Variants in PTPRK observed in about 807,000 individuals in gnomAD.
The protein encoded by PTPRK is receptor-type tyrosine-protein phosphatase kappa.
Under a neutral mutation model 178.0 loss-of-function variants are expected in PTPRK, and 75 were observed. That is an observed-to-expected ratio of 0.42 (90% CI 0.35 to 0.51). PTPRK has a LOEUF of 0.51. Ranked by LOEUF, PTPRK falls within the 20% of genes least tolerant of loss-of-function variation. The pLI is 0.02. For synonymous variants in PTPRK, 637 were observed against 620.6 expected (o/e 1.03, Z -0.39); for missense variants, 1,441 against 1,797.8 (o/e 0.80, Z 3.59).
At chr6:128,049,557 A>G (rs577831215) in intron 13 of PTPRK, among the ~76,000 whole-genome samples, 53 of 152,136 alleles carry the variant, frequency 3.5e-4, no homozygotes, top group African/African-American at 1.2e-3. Context: ...TAAAAATTCA[A>G]TTGAAATGCC....
intron 13 of PTPRK, among the ~76,000 whole-genome samples, chr6:128,039,902 G>C (rs192111152): frequency 9.9e-5 from 15 of 152,232 alleles, no homozygotes; most frequent in African/African-American, 3.6e-4. Flanking sequence ...AATATTTAGC[G>C]CCTGGTGGAA....
At chr6:127,994,286 G>A (rs3928896) in intron 18 of PTPRK, among the ~76,000 whole-genome samples, 92,530 of 151,442 alleles carry the variant, frequency 0.61, 28,764 homozygotes, top group African/African-American at 0.73. Context: ...TAGGTCTATA[G>A]AAGTATACAT....
intron 12 of PTPRK, among the ~76,000 whole-genome samples, chr6:128,067,274 C>G (rs1459308917): frequency 5.3e-5 from 8 of 152,262 alleles, no homozygotes; most frequent in Non-Finnish European, 2.9e-5. Flanking sequence ...CTATTGTGGG[C>G]TTTCCTGAGG....
At chr6:128,469,112 CA>C (rs1219565185) in intron 1 of PTPRK, among the ~76,000 whole-genome samples, 1 of 152,018 alleles carries the variant, frequency 6.6e-6, no homozygotes, top group Non-Finnish European at 1.5e-5. Flanking sequence ...GCAAGATGAG[CA>C]AAAACAAACC....
rs182154906 is a variant in PTPRK, at chr6:128,104,933, C to G, written c.1163-14941G>C. 2.4e-4 allele frequency among the ~76,000 whole-genome samples: 37 copies of G among 152,246 alleles called. No homozygotes were observed. The East Asian group carries it at 7.1e-3, about 29-fold the overall frequency. On this transcript the variant is annotated intron_variant, in intron 7 of 29. Coordinates refer to ENST00000368226, the MANE Select transcript of PTPRK (RefSeq NM_002844.4). ...TGTTCCAAAGGTGAAAAGTCTTGGA[C>G]AGAAGAAAGTGTAAACATAAAGATG... is the stretch of plus-strand genomic sequence containing the variant.
chr6:128,195,454 T>A (rs773739504), intron 6 of PTPRK, among the ~76,000 whole-genome samples: 6 of 151,218 alleles, frequency 4.0e-5, no homozygotes, highest in Non-Finnish European at 8.8e-5. Flanking sequence ...CTCCACTCAA[T>A]GACCCTGGTT....
intron 13 of PTPRK, among the ~76,000 whole-genome samples, chr6:128,041,374 C>T (rs1777135624): frequency 6.6e-6 from 1 of 151,974 alleles, no homozygotes; most frequent in South Asian, 2.1e-4. Context: ...GAATGGAATT[C>T]ATAATTTCAG....
chr6:128,094,831 G>A (rs1562573726), intron 7 of PTPRK, among the ~76,000 whole-genome samples: 1 of 151,776 alleles, frequency 6.6e-6, no homozygotes, highest in Non-Finnish European at 1.5e-5. Context: ...AAAGAGAGAA[G>A]GTAATAGATA....
At chr6:128,352,712 C>T (rs1833360310) in intron 2 of PTPRK, among the ~76,000 whole-genome samples, 1 of 152,192 alleles carries the variant, frequency 6.6e-6, no homozygotes, top group African/African-American at 2.4e-5. Context: ...CCAACTGAGA[C>T]ATCAAATTCT....
chr6:128,054,055 TCA>T (rs1779497326), intron 13 of PTPRK, among the ~76,000 whole-genome samples: 1 of 152,222 alleles, frequency 6.6e-6, no homozygotes, highest in African/African-American at 2.4e-5. Context: ...TCAAAAACTT[TCA>T]GTGATTTGCT....
chr6:127,981,884 G>T lies in PTPRK; in HGVS notation c.3538-595C>A, dbSNP rs1022499129. On this transcript the variant is annotated intron_variant, in intron 24 of 29. Transcript: ENST00000368226. ...ACTCTGTTGCCCAGGTTGGAGTGCAGTGGCAATATCTTGGCTCACCACAGC... is the reference window on the plus strand; with the variant it reads ...ACTCTGTTGCCCAGGTTGGAGTGCATTGGCAATATCTTGGCTCACCACAGC... 3.9e-5 allele frequency among the ~76,000 whole-genome samples: 6 copies of T among 152,274 alleles called. No homozygotes were observed. In the East Asian group the frequency reaches 1.2e-3, roughly 29 times the overall value.
At chr6:128,197,184 C>CTTTTTTTTTTTTCT (rs1805016750) in intron 6 of PTPRK, among the ~76,000 whole-genome samples, 1 of 138,650 alleles carries the variant, frequency 7.2e-6, no homozygotes, top group Non-Finnish European at 1.5e-5. Flanking sequence ...TTGTTTTTTT[C>CTTTTTTTTTTTTCT]TTTTTTTTTT....
chr6:128,186,608 G>A (rs76055706), intron 6 of PTPRK, among the ~76,000 whole-genome samples: 3,330 of 151,968 alleles, frequency 0.022, 100 homozygotes, highest in African/African-American at 0.046. Flanking sequence ...TGAATTCAAC[G>A]GAGAAGTTAT....
chr6:128,052,445 C>G (rs570347483), intron 13 of PTPRK, among the ~76,000 whole-genome samples: 23 of 152,282 alleles, frequency 1.5e-4, no homozygotes, highest in African/African-American at 5.5e-4. Context: ...CTGCGCAGTC[C>G]AGCCTTCCCT....
Position 128,197,673 on chromosome 6 carries a change from T to C in PTPRK, c.869-12948A>G, listed in dbSNP as rs192842991. Among the ~76,000 whole-genome samples, 535 of 152,194 alleles carry C rather than the reference T, an allele frequency of 3.5e-3. 2 individuals carry two copies. The highest frequency in any genetic ancestry group is 0.012 in the African/African-American group (500 of 41,514). On this transcript the variant is annotated intron_variant, in intron 6 of 29. Transcript: ENST00000368226. ...CTAAACCAAGGTGTCCCCTAGGTGA[T>C]ATTCAAATTACACTCAGAATGGCTG...
intron 21 of PTPRK, among the ~76,000 whole-genome samples, chr6:127,990,225 A>C (rs1776450084): frequency 1.3e-5 from 2 of 152,088 alleles, no homozygotes; most frequent in South Asian, 4.1e-4. Flanking sequence ...CCCTTCACTT[A>C]TGGATATCTG....
intron 1 of PTPRK, among the ~76,000 whole-genome samples, chr6:128,505,323 C>A (rs916769104): frequency 4.6e-5 from 7 of 151,258 alleles, no homozygotes; most frequent in African/African-American, 1.5e-4. Flanking sequence ...TGCCTGCTAT[C>A]CCAGCTACTC....
chr6:128,390,268 A>T (rs1400955650), intron 2 of PTPRK, among the ~76,000 whole-genome samples: 2 of 152,158 alleles, frequency 1.3e-5, no homozygotes, highest in Admixed American at 6.6e-5. Context: ...ATGTGTTTCT[A>T]AAGGTTTGCT....
At chr6:128,511,242 G>A (rs753118094) in intron 1 of PTPRK, among the ~76,000 whole-genome samples, 14 of 152,120 alleles carry the variant, frequency 9.2e-5, no homozygotes, top group Non-Finnish European at 1.5e-4. Context: ...CCCACTTAGA[G>A]ATCACCTAGT....
Sources: gnomAD v4.1 joint callset for allele counts (sites outside exome capture counted in the v4.1 genomes callset) on GRCh38, gnomAD v4.1.1 for gene constraint, MANE v1.5 for transcripts, NCBI Gene and HGNC (gene_info 2026-07-23, HGNC 2026-07-21) for gene names.